Variants in RNF180 observed in about 807,000 individuals in gnomAD.
RNF180 encodes the protein E3 ubiquitin-protein ligase RNF180.
RNF180 carries 38 observed loss-of-function variants against 59.2 expected under a neutral mutation model. That is an observed-to-expected ratio of 0.64 (90% CI 0.50 to 0.84). The LOEUF (loss-of-function observed/expected upper bound fraction) is 0.84. RNF180 is among the 40% of genes least tolerant of loss of function. The pLI, the probability that RNF180 is intolerant of heterozygous loss-of-function variation, is 0.00. For missense variants in RNF180, 705 were observed against 700.9 expected (o/e 1.01, Z -0.07); for synonymous variants, 262 against 240.3 (o/e 1.09, Z -0.84).
At position 64,175,201 on chromosome 5, in the gene RNF180, G is replaced by A. The variant is rs541512274; in HGVS notation, c.-1+9248G>A. ...AGGCTGGTCTTGAACTCCCAACTTC[G>A]GGTGATATGCCCGCCTCGGACTCCC... On this transcript the variant is annotated intron_variant, in intron 1 of 7. Coordinates refer to ENST00000389100, the MANE Select transcript of RNF180 (RefSeq NM_001113561.2). Among the ~76,000 whole-genome samples the A allele has an allele frequency of 3.9e-5, 6 of 151,948 alleles. No individual in the cohort carries two copies. In the South Asian group the frequency reaches 1.0e-3, roughly 26 times the overall value.
rs1744678714 is a variant in RNF180 at position 64,266,355 on chromosome 5, G to T, written c.1227+48959G>T. On this transcript the variant is annotated intron_variant, in intron 5 of 7. Coordinates refer to ENST00000389100, the MANE Select transcript of RNF180 (RefSeq NM_001113561.2). ...AACTGAGAGTTGAAAGTGACACCAGGTTCACATTTAAATATCGAATTCATT... is the reference window on the plus strand; with the variant it reads ...AACTGAGAGTTGAAAGTGACACCAGTTTCACATTTAAATATCGAATTCATT... Among the ~76,000 whole-genome samples, 6 of 152,142 alleles carry T rather than the reference G, an allele frequency of 3.9e-5. No individual in the cohort carries two copies. In the South Asian group the frequency reaches 1.2e-3, roughly 32 times the overall value.
chr5:64,252,396 T>C (rs1244839449), intron 5 of RNF180, among the ~76,000 whole-genome samples: 1 of 152,210 alleles, frequency 6.6e-6, no homozygotes, highest in African/African-American at 2.4e-5. Flanking sequence ...AGTTAATAAA[T>C]TGTATTTTTG....
chr5:64,252,974 A>G (rs552122395), intron 5 of RNF180, among the ~76,000 whole-genome samples: 79 of 151,952 alleles, frequency 5.2e-4, no homozygotes, highest in Middle Eastern at 3.4e-3. Context: ...TTTGCTCTGT[A>G]CCTCCCCGAG....
intron 5 of RNF180, among the ~76,000 whole-genome samples, chr5:64,320,263 C>T (rs1433600752): frequency 6.6e-6 from 1 of 152,164 alleles, no homozygotes; most frequent in Non-Finnish European, 1.5e-5. Flanking sequence ...CTAGCTTTGA[C>T]ATTTACACTC....
At position 64,358,886 on chromosome 5, in the gene RNF180, C is replaced by T. The variant is rs1486136499; in HGVS notation, c.1580-10729C>T. On this transcript the variant is annotated intron_variant, in intron 7 of 7. Coordinates refer to ENST00000389100, the MANE Select transcript of RNF180 (RefSeq NM_001113561.2). ...ACCTATGAGTGAGAATATGCGGTGT[C>T]TGGTTTTTTGTTCTTGTGATAGTTT... 2.6e-5 allele frequency among the ~76,000 whole-genome samples: 4 copies of T among 150,944 alleles called. No homozygotes were observed. The East Asian group carries it at 6.0e-4, about 23-fold the overall frequency.
intron 5 of RNF180, among the ~76,000 whole-genome samples, chr5:64,223,239 T>G (rs1741465466): frequency 6.6e-6 from 1 of 152,206 alleles, no homozygotes; most frequent in Non-Finnish European, 1.5e-5. Context: ...ACTCCTATTT[T>G]CTTTCATCAC....
chr5:64,220,194 A>G (rs936178974), intron 5 of RNF180, among the ~76,000 whole-genome samples: 3 of 151,832 alleles, frequency 2.0e-5, no homozygotes, highest in Non-Finnish European at 4.4e-5. Flanking sequence ...GTTTTTATTG[A>G]TTTTAAAATT....
chr5:64,232,659 T>G (rs896703422), intron 5 of RNF180, among the ~76,000 whole-genome samples: 22 of 152,222 alleles, frequency 1.4e-4, no homozygotes, highest in African/African-American at 5.3e-4. Flanking sequence ...GTATGCCACC[T>G]CTAAAGGATT....
intron 1 of RNF180, among the ~76,000 whole-genome samples, chr5:64,172,243 G>A (rs1374372537): frequency 6.6e-6 from 1 of 152,168 alleles, no homozygotes; most frequent in Non-Finnish European, 1.5e-5. Context: ...AGGTATGTGT[G>A]TGAGTACTCC....
chr5:64,214,360 C>T lies in RNF180; in HGVS notation c.1034C>T (p.Ala345Val). Reference sequence around the variant, plus strand: ...TCAGCTGGCAGGAGCATGCCGGAGGCCTCAGACCAGGAAGAGCACCTCTCC... The same window carrying T: ...TCAGCTGGCAGGAGCATGCCGGAGGTCTCAGACCAGGAAGAGCACCTCTCC... ...LPSAGRSMPE[A>V]SDQEEHLSPL... Residue 345 changes from alanine to valine, a missense_variant, in exon 4 of 8, where the codon GCC becomes GTC. Ala to Val is a moderately conservative substitution (Grantham distance 64, BLOSUM62 0). Coordinates refer to ENST00000389100, the MANE Select transcript of RNF180 (RefSeq NM_001113561.2). The T allele has an allele frequency of 1.9e-6, 3 of 1,614,000 alleles. No homozygotes were observed. The highest frequency in any genetic ancestry group is 2.5e-6 in the Non-Finnish European group (3 of 1,179,978).
At chr5:64,353,429 T>C (rs1443266235) in intron 7 of RNF180, among the ~76,000 whole-genome samples, 1 of 151,786 alleles carries the variant, frequency 6.6e-6, no homozygotes, top group East Asian at 1.9e-4. Context: ...ACTAATTGAT[T>C]GCATAAGTGC....
At chr5:64,304,032 G>T (rs1398734199) in intron 5 of RNF180, among the ~76,000 whole-genome samples, 1 of 151,574 alleles carries the variant, frequency 6.6e-6, no homozygotes, top group Non-Finnish European at 1.5e-5. Flanking sequence ...AATCTACTCT[G>T]CCTGTGTTCT....
intron 1 of RNF180, among the ~76,000 whole-genome samples, chr5:64,194,225 A>G (rs1751332582): frequency 2.0e-5 from 3 of 151,978 alleles, no homozygotes; most frequent in African/African-American, 4.8e-5. Flanking sequence ...TCATTGTTCA[A>G]TTCCCACCTA....
At chr5:64,182,819 T>C (rs902426814) in intron 1 of RNF180, among the ~76,000 whole-genome samples, 13 of 152,202 alleles carry the variant, frequency 8.5e-5, no homozygotes, top group Admixed American at 2.6e-4. Flanking sequence ...TATGGTAAGA[T>C]AGTAATGTGT....
At chr5:64,303,382 G>C (rs1040728031) in intron 5 of RNF180, among the ~76,000 whole-genome samples, 1 of 151,672 alleles carries the variant, frequency 6.6e-6, no homozygotes, top group African/African-American at 2.4e-5. Flanking sequence ...AGTGAGCAAG[G>C]CATGTGGAAA....
Position 64,214,052 on chromosome 5 carries a change from A to G in RNF180, c.726A>G (p.Leu242=). Residue 242 remains leucine, a synonymous_variant, in exon 4 of 8, where the codon TTA becomes TTG. Transcript: ENST00000389100. ...ACATCAGTGAGAAACTGACTTTATT[A>G]CCCACTTTATATGAAATACATAGTA... ...DLNISEKLTL[L]PTLYEIHSKT... 1 of 1,614,076 alleles carries G rather than the reference A, an allele frequency of 6.2e-7. No homozygotes were observed. Among genetic ancestry groups the G allele is most frequent in the South Asian group, 1.1e-5 (1 of 91,080 alleles).
At chr5:64,367,045 G>A (rs1480655935) in intron 7 of RNF180, among the ~76,000 whole-genome samples, 1 of 151,472 alleles carries the variant, frequency 6.6e-6, no homozygotes, top group Non-Finnish European at 1.5e-5. Flanking sequence ...AACCTTACAG[G>A]CCAGAGAATA....
At chr5:64,189,961 G>A (rs1751056205) in intron 1 of RNF180, among the ~76,000 whole-genome samples, 1 of 152,186 alleles carries the variant, frequency 6.6e-6, no homozygotes, top group African/African-American at 2.4e-5. Flanking sequence ...ATAAGGACCC[G>A]AAGATGATAC....
chr5:64,346,356 CTTCTT>C (rs1745555216), intron 7 of RNF180, among the ~76,000 whole-genome samples: 2 of 47,142 alleles, frequency 4.2e-5, no homozygotes, highest in African/African-American at 7.9e-5. Flanking sequence ...TTTTTCTTTT[CTTCTT>C]TTTTTTTTTT....
Sources: allele counts gnomAD v4.1 joint callset (sites outside exome capture counted in the v4.1 genomes callset), GRCh38; gene constraint gnomAD v4.1.1; transcripts MANE v1.5; gene names NCBI Gene and HGNC (gene_info 2026-07-23, HGNC 2026-07-21).